The following GBF1 variants were observed in gnomAD, a reference collection of about 807,000 sequenced individuals.
GBF1 encodes Golgi-specific brefeldin A-resistance guanine nucleotide exchange factor 1.
GBF1 carries 114 observed loss-of-function variants against 210.5 expected under a neutral mutation model. That is an observed-to-expected ratio of 0.54 (90% CI 0.47 to 0.63). GBF1 has a LOEUF of 0.63. GBF1 is among the 30% of genes least tolerant of loss of function. The pLI is 0.00. For synonymous variants in GBF1, 850 were observed against 889.2 expected (o/e 0.96, Z 0.78); for missense variants, 1,851 against 2,357.7 (o/e 0.79, Z 4.45).
At chr10:102,263,112 C>T (rs1248886029) in intron 3 of GBF1, among the ~76,000 whole-genome samples, 1 of 152,162 alleles carries the variant, frequency 6.6e-6, no homozygotes, top group Non-Finnish European at 1.5e-5. Context: ...GCTTCTGACC[C>T]CACACACAGT....
chr10:102,257,798 C>T (rs2133989550), intron 1 of GBF1, among the ~76,000 whole-genome samples: 1 of 150,500 alleles, frequency 6.6e-6, no homozygotes, highest in East Asian at 2.0e-4. Context: ...TCTCGATATG[C>T]TGCCCAGGCT....
Position 102,363,732 on chromosome 10 carries a change from G to C in GBF1, c.2040G>C (p.Lys680Asn), listed in dbSNP as rs1303078049. Residue 680 changes from lysine to asparagine, a missense_variant, in exon 17 of 40, where the codon AAG (lysine) becomes AAC (asparagine). This residue lies in a region of GBF1 where 804 missense variants were observed against 958.6 expected (regional missense o/e 0.84). Coordinates refer to ENST00000369983, the MANE Select transcript of GBF1 (RefSeq NM_001377137.1). The surrounding 1 kb of genome is among the most constrained non-coding windows in gnomAD (Gnocchi z 4.2). ...TAGCTGACAAAAAGTTTGCCCGGAA[G>C]CCACCCCGATTTTCCTGTCTCCTGC... ...DSGADKKFAR[K>N]PPRFSCLLPD... The C allele has an allele frequency of 6.2e-7, 1 of 1,613,238 alleles. No individual in the cohort carries two copies. The highest frequency in any genetic ancestry group is 2.2e-5 in the East Asian group (1 of 44,880).
Position 102,363,624 on chromosome 10 carries a change from G to A in GBF1, c.2018-86G>A, listed in dbSNP as rs1463672187. ...TTCTGAGGCTCCTTCTTGAAACTGG[G>A]GAGTATATTGGTGACCTTCCAAAAG... On this transcript the variant is annotated intron_variant, in intron 16 of 39. Transcript: ENST00000369983. The surrounding 1 kb of genome is among the most constrained non-coding windows in gnomAD (Gnocchi z 4.2). 4.5e-6 allele frequency: 4 copies of A among 895,430 alleles called. No homozygotes were observed. Among genetic ancestry groups the A allele is most frequent in the Non-Finnish European group, 7.4e-6 (4 of 541,554 alleles). The allele number at this position is 895,430 out of a possible 1,614,324, so 55.5% of individuals were successfully genotyped here.
rs769380716 is a variant in GBF1 at position 102,375,411 on chromosome 10, G to C, written c.3713G>C (p.Arg1238Pro). The C allele has an allele frequency of 2.5e-6, 4 of 1,613,854 alleles. No individual in the cohort carries two copies. Among genetic ancestry groups the C allele is most frequent in the Non-Finnish European group, 3.4e-6 (4 of 1,179,842 alleles). The change falls in exon 30 of 40, where the codon CGA becomes CCA. Residue 1238 changes from arginine (R) to proline (P), a missense_variant. Physicochemically the swap from Arg to Pro is moderately radical, Grantham distance 103 (BLOSUM62 -2). This residue lies in a region of GBF1 where 967 missense variants were observed against 1,247.7 expected (regional missense o/e 0.78). Transcript: ENST00000369983. ...CTGATGAAGCCCAGTGTGCTATCCC[G>C]AGTCAGCCACCAGGTTGCGTATGGG... ...LLLMKPSVLS[R>P]VSHQVAYGLH...
At chr10:102,303,838 C>G (rs1357815269) in intron 3 of GBF1, among the ~76,000 whole-genome samples, 1 of 152,128 alleles carries the variant, frequency 6.6e-6, no homozygotes, top group Non-Finnish European at 1.5e-5. Flanking sequence ...CTTAGCTATT[C>G]TTATCTGAAT....
chr10:102,258,571 A>C (rs1018047877), intron 1 of GBF1, among the ~76,000 whole-genome samples: 2 of 150,188 alleles, frequency 1.3e-5, no homozygotes, highest in Non-Finnish European at 1.5e-5. Context: ...CTGGAGCTCG[A>C]GACCAGCCTG....
Position 102,374,951 on chromosome 10 carries a change from G to A in GBF1, c.3661-408G>A, listed in dbSNP as rs117901576. 2.0e-3 allele frequency among the ~76,000 whole-genome samples: 301 copies of A among 152,002 alleles called. 1 individual carries two copies. The highest frequency in any genetic ancestry group is 3.7e-3 in the Admixed American group (57 of 15,262). On this transcript the variant is annotated intron_variant, in intron 29 of 39. Coordinates refer to ENST00000369983, the MANE Select transcript of GBF1 (RefSeq NM_001377137.1). ...TTCAGGAGGCTGAGACGGGAAGATCGCTTGAGCCTGGGAGTTCAAGACCAG... is the reference window on the plus strand; with the variant it reads ...TTCAGGAGGCTGAGACGGGAAGATCACTTGAGCCTGGGAGTTCAAGACCAG...
intron 3 of GBF1, among the ~76,000 whole-genome samples, chr10:102,322,016 G>A (rs183658164): frequency 7.2e-5 from 11 of 152,044 alleles, no homozygotes; most frequent in African/African-American, 2.7e-4. Flanking sequence ...GCAACACCAC[G>A]CCCAGGTAAT....
chr10:102,265,510 C>A (rs1399267034), intron 3 of GBF1, among the ~76,000 whole-genome samples: 3 of 151,956 alleles, frequency 2.0e-5, no homozygotes, highest in Non-Finnish European at 2.9e-5. Flanking sequence ...AGATTCCCCC[C>A]ATCTCTACAA....
chr10:102,309,010 A>T (rs970007362), intron 3 of GBF1, among the ~76,000 whole-genome samples: 7 of 152,224 alleles, frequency 4.6e-5, no homozygotes, highest in African/African-American at 1.7e-4. Flanking sequence ...AGGGATTGCA[A>T]CTGGAAGAAG....
chr10:102,338,348 C>T (rs1486021324), intron 3 of GBF1, among the ~76,000 whole-genome samples: 1 of 148,000 alleles, frequency 6.8e-6, no homozygotes, highest in Non-Finnish European at 1.5e-5. Context: ...TGAAGCAATT[C>T]TCATGCCTCA....
upstream of GBF1, among the ~76,000 whole-genome samples, chr10:102,241,084 A>G (rs1005655996): frequency 2.0e-5 from 3 of 151,644 alleles, no homozygotes; most frequent in African/African-American, 4.8e-5. The surrounding 1 kb of genome is among the most constrained non-coding windows in gnomAD (Gnocchi z 6.7). Context: ...CGAAGCCCCT[A>G]TCCTGGTTTC....
chr10:102,315,247 C>T (rs2078831712), intron 3 of GBF1, among the ~76,000 whole-genome samples: 1 of 152,180 alleles, frequency 6.6e-6, no homozygotes, highest in Non-Finnish European at 1.5e-5. Context: ...CCCCAACCCC[C>T]TGGCCACGGA....
intron 1 of GBF1, among the ~76,000 whole-genome samples, chr10:102,247,220 T>C (rs781324982): frequency 1.3e-5 from 2 of 152,236 alleles, no homozygotes; most frequent in Non-Finnish European, 2.9e-5. Flanking sequence ...TTTGTCCTTA[T>C]GAAATTGAAA....
chr10:102,367,418 T>C, intron 20 of GBF1, 60 bp from the exon 21 acceptor site: 1 of 1,212,222 alleles, frequency 8.2e-7, no homozygotes, highest in Non-Finnish European at 1.2e-6. Flanking sequence ...AACCCAGGAG[T>C]TCCTTAGGTG....
chr10:102,233,928 G>A, the GBF1 span, among the ~76,000 whole-genome samples: 9 of 152,174 alleles, frequency 5.9e-5, no homozygotes, highest in Non-Finnish European at 1.2e-4. Context: ...GGACCCCTCT[G>A]CTGCGAGGAA....
chr10:102,336,456 A>C (rs888432941), intron 3 of GBF1, among the ~76,000 whole-genome samples: 1 of 152,154 alleles, frequency 6.6e-6, no homozygotes, highest in Non-Finnish European at 1.5e-5. Flanking sequence ...AGTGTTTTAC[A>C]TGCATCAAAT....
intron 3 of GBF1, among the ~76,000 whole-genome samples, chr10:102,299,495 A>G (rs2077165545): frequency 6.6e-6 from 1 of 152,232 alleles, no homozygotes; most frequent in South Asian, 2.1e-4. Flanking sequence ...AAATAAATGT[A>G]AAAAGGGCCA....
At position 102,270,845 on chromosome 10, in the gene GBF1, T is replaced by G. The variant is rs540195764; in HGVS notation, c.163+10729T>G. On this transcript the variant is annotated intron_variant, in intron 3 of 39. Transcript: ENST00000369983. ...CAATTCTCATTTCATTAGGTAGTTA[T>G]GTCTTTTTAGACGTTTTATTTTATT... is the stretch of plus-strand genomic sequence containing the variant. 1.3e-4 allele frequency among the ~76,000 whole-genome samples: 20 copies of G among 152,246 alleles called. No individual in the cohort carries two copies. In the South Asian group the frequency reaches 3.5e-3, roughly 27 times the overall value.
Sources: allele counts gnomAD v4.1 joint callset (sites outside exome capture counted in the v4.1 genomes callset), GRCh38; gene constraint gnomAD v4.1.1; regional missense constraint gnomAD v4.1.1; non-coding constraint Gnocchi (gnomAD v3.1); transcripts MANE v1.5; gene names NCBI Gene and HGNC (gene_info 2026-07-23, HGNC 2026-07-21).